Variants in KAZN observed in about 807,000 individuals in gnomAD.
KAZN encodes kazrin, periplakin interacting protein.
Under a neutral mutation model 87.4 loss-of-function variants are expected in KAZN, and 40 were observed. That is an observed-to-expected ratio of 0.46 (90% CI 0.36 to 0.60). The LOEUF is 0.60. KAZN is among the 20% of genes least tolerant of loss of function. The pLI, the probability that KAZN is intolerant of heterozygous loss-of-function variation, is 0.00. For missense variants in KAZN, 898 were observed against 1,073.9 expected (o/e 0.84, Z 2.29); for synonymous variants, 466 against 458.3 (o/e 1.02, Z -0.22).
chr1:14,874,363 A>G (rs143118513), intron 1 of KAZN, among the ~76,000 whole-genome samples: 1 of 152,324 alleles, frequency 6.6e-6, no homozygotes, highest in East Asian at 1.9e-4. Context: ...CTGCTGACAG[A>G]TTAAGTAAGA....
intron 1 of KAZN, among the ~76,000 whole-genome samples, chr1:14,053,079 C>T (rs1642409518): frequency 6.6e-6 from 1 of 152,214 alleles, no homozygotes; most frequent in African/African-American, 2.4e-5. Context: ...CCCCGTGAGT[C>T]TGTGATGTTA....
At chr1:15,046,840 C>T (rs1405304041) in intron 4 of KAZN, among the ~76,000 whole-genome samples, 1 of 152,210 alleles carries the variant, frequency 6.6e-6, no homozygotes, top group Non-Finnish European at 1.5e-5. Context: ...CAGAAAGAAA[C>T]CTTTGAACTT....
At chr1:14,400,939 T>C (rs1663349844) in intron 2 of KAZN, among the ~76,000 whole-genome samples, 1 of 152,248 alleles carries the variant, frequency 6.6e-6, no homozygotes, top group Admixed American at 6.5e-5. Flanking sequence ...GCAATGATGT[T>C]ATATAGATAT....
intron 1 of KAZN, among the ~76,000 whole-genome samples, chr1:14,633,879 T>TCC (rs1485174186): frequency 6.6e-6 from 1 of 151,542 alleles, no homozygotes; most frequent in East Asian, 1.9e-4. Flanking sequence ...TCTCTCTCTC[T>TCC]CTCTCTATAT....
At chr1:14,899,231 A>C (rs1655590025) in intron 1 of KAZN, among the ~76,000 whole-genome samples, 1 of 152,250 alleles carries the variant, frequency 6.6e-6, no homozygotes, top group Non-Finnish European at 1.5e-5. Context: ...CAGAAAGGCA[A>C]GTTGCCAACT....
intron 1 of KAZN, among the ~76,000 whole-genome samples, chr1:14,758,167 C>G (rs1464031104): frequency 6.6e-6 from 1 of 151,768 alleles, no homozygotes; most frequent in African/African-American, 2.4e-5. Flanking sequence ...CCCTCCCTCC[C>G]TCCATTCCTT....
At chr1:14,892,334 A>T (rs1654803803) in intron 1 of KAZN, among the ~76,000 whole-genome samples, 1 of 152,020 alleles carries the variant, frequency 6.6e-6, no homozygotes, top group Admixed American at 6.5e-5. Context: ...CTGTGCCTTC[A>T]TTATGGGAAG....
At chr1:14,560,971 G>C (rs1674220455) in intron 2 of KAZN, among the ~76,000 whole-genome samples, 1 of 152,192 alleles carries the variant, frequency 6.6e-6, no homozygotes, top group African/African-American at 2.4e-5. Flanking sequence ...AGGAAGAGAA[G>C]TGTGTGGCTG....
intron 1 of KAZN, among the ~76,000 whole-genome samples, chr1:13,909,683 GCTT>G (rs1382487736): frequency 5.3e-5 from 8 of 152,174 alleles, no homozygotes; most frequent in Non-Finnish European, 1.0e-4. Flanking sequence ...TTTCTTGGCT[GCTT>G]CTTATGATGA....
At chr1:14,736,593 G>T (rs1459478870) in intron 1 of KAZN, among the ~76,000 whole-genome samples, 1 of 149,632 alleles carries the variant, frequency 6.7e-6, no homozygotes, top group African/African-American at 2.5e-5. Context: ...TTACAGGCGT[G>T]AGCCACCACT....
intron 1 of KAZN, among the ~76,000 whole-genome samples, chr1:13,943,153 A>G (rs548375824): frequency 2.4e-4 from 37 of 152,374 alleles, no homozygotes; most frequent in African/African-American, 8.4e-4. Context: ...AAAGAAGACT[A>G]CTGTAGGCAG....
intron 2 of KAZN, among the ~76,000 whole-genome samples, chr1:14,295,016 A>C (rs1654006726): frequency 6.6e-6 from 1 of 151,894 alleles, no homozygotes; most frequent in African/African-American, 2.4e-5. Flanking sequence ...CTACAGGCTC[A>C]ATCACCTTCT....
chr1:14,924,127 G>C, intron 1 of KAZN: 2 of 982,540 alleles, frequency 2.0e-6, no homozygotes, highest in Middle Eastern at 1.0e-3. Context: ...CCGCGGGACT[G>C]AGAGCCGTTC....
intron 8 of KAZN, among the ~76,000 whole-genome samples, chr1:15,071,998 G>A (rs1639526915): frequency 6.6e-6 from 1 of 152,178 alleles, no homozygotes; most frequent in Non-Finnish European, 1.5e-5. Flanking sequence ...TTGCCTTCGG[G>A]AAGTCATTTT....
intron 7 of KAZN, among the ~76,000 whole-genome samples, chr1:15,065,014 G>A (rs549204770): frequency 1.5e-4 from 22 of 148,042 alleles, no homozygotes; most frequent in South Asian, 1.3e-3. Flanking sequence ...CCGTCCTTGG[G>A]GTCTTTTTCT....
chr1:14,673,600 TTGTTGGATCCATCAGCTGC>T (rs1254988565), intron 1 of KAZN, among the ~76,000 whole-genome samples: 1 of 152,018 alleles, frequency 6.6e-6, no homozygotes, highest in African/African-American at 2.4e-5. Flanking sequence ...GGAAGACGTG[TTGTTGGATCCATCAGCTGC>T]TGTTGGATCC....
rs1378843493 is a variant in KAZN at position 15,063,537 on chromosome 1, T to C, written c.1048-35T>C. 7 of 1,597,042 alleles carry C rather than the reference T, an allele frequency of 4.4e-6. No homozygotes were observed. The African/African-American group carries it at 6.7e-5, about 15-fold the overall frequency. On this transcript the variant is annotated intron_variant, in intron 6 of 14. Transcript: ENST00000376030. ...TCTGCTCTCCTGTGTCACCTGTCTC[T>C]GCTGTTTCATCTTCCTCTTCTCCTC... is the stretch of plus-strand genomic sequence containing the variant.
chr1:13,993,364 A>G (rs1182288026), intron 1 of KAZN, among the ~76,000 whole-genome samples: 3 of 152,236 alleles, frequency 2.0e-5, no homozygotes, highest in Non-Finnish European at 4.4e-5. Flanking sequence ...GGTTTTAGTA[A>G]GAATGGAAGG....
intron 2 of KAZN, among the ~76,000 whole-genome samples, chr1:14,581,930 CCT>C (rs1675579149): frequency 6.6e-6 from 1 of 152,064 alleles, no homozygotes. Context: ...TTCCTGTTCC[CCT>C]CTCTTTCCCC....
Sources: gnomAD v4.1 joint callset for allele counts (sites outside exome capture counted in the v4.1 genomes callset) on GRCh38, gnomAD v4.1.1 for gene constraint, MANE v1.5 for transcripts, NCBI Gene and HGNC (gene_info 2026-07-23, HGNC 2026-07-21) for gene names.